The following ZGRF1 variants were observed in gnomAD, a reference collection of about 807,000 sequenced individuals.
The protein encoded by ZGRF1 is zinc finger GRF-type containing 1.
Under a neutral mutation model 203.5 loss-of-function variants are expected in ZGRF1, and 196 were observed. The ratio of observed to expected loss-of-function variants is 0.96; its 90% confidence interval spans 0.86 to 1.08. The LOEUF is 1.08. ZGRF1 is among the 50% of genes least tolerant of loss of function. ZGRF1 has a pLI of 0.00. For synonymous variants in ZGRF1, 809 were observed against 841.3 expected (o/e 0.96, Z 0.66); for missense variants, 2,326 against 2,416.3 (o/e 0.96, Z 0.78).
rs768160092 is a variant in ZGRF1 at position 112,618,629 on chromosome 4, C to G, written c.1413G>C (p.Glu471Asp). ...GCAGAGATGACTCTGATTGTTCATA[C>G]TCCTTTTCCAGTGTTCCACATGTAT... ...EVNTCGTLEK[E>D]YEQSESSLPE... Residue 471 changes from glutamate to aspartate, a missense_variant, in exon 6 of 28, where the codon GAG (glutamate) becomes GAC (aspartate). Physicochemically the swap from Glu to Asp is conservative, Grantham distance 45. Coordinates refer to ENST00000505019, the MANE Select transcript of ZGRF1 (RefSeq NM_018392.5). The G allele has an allele frequency of 4.3e-6, 7 of 1,613,298 alleles. No individual in the cohort carries two copies. The highest frequency in any genetic ancestry group is 5.9e-6 in the Non-Finnish European group (7 of 1,179,604).
At chr4:112,606,235 C>T (rs192138459) in intron 8 of ZGRF1, 144 bp from the exon 9 acceptor site, 105 of 594,808 alleles carry the variant, frequency 1.8e-4, no homozygotes, top group Non-Finnish European at 2.8e-4. Flanking sequence ...TGTCTACACA[C>T]ACATACAAGC....
At chr4:112,558,905 T>C (rs1741438604) in intron 19 of ZGRF1, among the ~76,000 whole-genome samples, 2 of 152,204 alleles carry the variant, frequency 1.3e-5, no homozygotes, top group South Asian at 4.1e-4. Flanking sequence ...TCTATCTCTG[T>C]TTTGATGGAG....
intron 20 of ZGRF1, among the ~76,000 whole-genome samples, chr4:112,555,641 G>A (rs976833975): frequency 4.0e-4 from 61 of 152,208 alleles, no homozygotes; most frequent in African/African-American, 1.2e-3. Flanking sequence ...AATAAGGGAC[G>A]CAGTCTCCTC....
chr4:112,568,686 G>A (rs1032197886), intron 16 of ZGRF1, among the ~76,000 whole-genome samples: 14 of 141,146 alleles, frequency 9.9e-5, no homozygotes, highest in Non-Finnish European at 1.4e-4. Context: ...ATTCCAGCCC[G>A]GGTGACGAGA....
rs1739032666 is a variant in ZGRF1 at position 112,547,417 on chromosome 4, G to C, written c.5475-9C>G. Reference sequence around the variant, plus strand: ...GCTTTTCACACTCAAACCTAAAACAGAATTTCAAAAATTAATCTAAGCAAT... The same window carrying C: ...GCTTTTCACACTCAAACCTAAAACACAATTTCAAAAATTAATCTAAGCAAT... On this transcript the variant is annotated splice_polypyrimidine_tract_variant and intron_variant, in intron 23 of 27. Transcript: ENST00000505019. The C allele has an allele frequency of 9.4e-6, 15 of 1,596,188 alleles. No homozygotes were observed. The highest frequency in any genetic ancestry group is 1.3e-5 in the Non-Finnish European group (15 of 1,174,376).
chr4:112,586,457 A>G lies in ZGRF1; in HGVS notation c.3904T>C (p.Ser1302Pro), dbSNP rs1363950832. Residue 1302 changes from serine (S) to proline (P), a missense_variant, in exon 13 of 28, where the codon TCT becomes CCT. Transcript: ENST00000505019. ...ACAACAGCCATACCTATGAGGCAAGATGTGAAAGTCTGCTTATAATGAGCA... is the reference window on the plus strand; with the variant it reads ...ACAACAGCCATACCTATGAGGCAAGGTGTGAAAGTCTGCTTATAATGAGCA... ...SPAHYKQTFT[S>P]CLIEHLNILL... is the part of the protein sequence containing the mutation. 6.2e-7 allele frequency: 1 copy of G among 1,609,948 alleles called. No homozygotes were observed. Among genetic ancestry groups the G allele is most frequent in the African/African-American group, 1.3e-5 (1 of 74,954 alleles).
rs183602786 is a variant in ZGRF1 at position 112,636,852 on chromosome 4, T to C, written c.-68A>G. ...ATCCCGAGAAACACTTCACCTCACC[T>C]GTCAAATTGCACAAAATCCACTTTC... On this transcript the variant is annotated splice_region_variant and 5_prime_UTR_variant, in exon 1 of 28. Transcript: ENST00000505019. 1.3e-5 allele frequency: 2 copies of C among 152,300 alleles called. No homozygotes were observed. The highest frequency in any genetic ancestry group is 6.5e-5 in the Admixed American group (1 of 15,288). 9.4% of individuals were successfully genotyped at this position (152,300 alleles called of 1,614,324 possible). A position where few individuals can be genotyped will look rare whatever the true frequency, so the allele number is the denominator to read the frequency against.
intron 22 of ZGRF1, among the ~76,000 whole-genome samples, chr4:112,549,113 C>CAAAAAAAAAAAAAAAAAA (rs771730607): frequency 1.8e-4 from 3 of 16,812 alleles, no homozygotes; most frequent in African/African-American, 7.5e-4. Context: ...GACTCCGTCT[C>CAAAAAAAAAAAAAAAAAA]AAAAAAAAAA....
intron 4 of ZGRF1, among the ~76,000 whole-genome samples, chr4:112,622,999 A>C (rs2047113102): frequency 6.6e-6 from 1 of 151,966 alleles, no homozygotes; most frequent in African/African-American, 2.4e-5. Context: ...AGTAGGCTTC[A>C]ATGTCTGTTG....
chr4:112,575,039 A>C (rs890870206), intron 16 of ZGRF1, among the ~76,000 whole-genome samples: 1 of 151,720 alleles, frequency 6.6e-6, no homozygotes, highest in African/African-American at 2.4e-5. Flanking sequence ...AAAAAAAAAA[A>C]CAAGCAAACA....
At chr4:112,633,296 T>TTTG in intron 1 of ZGRF1, 54 bp from the exon 2 acceptor site, 2 of 824,858 alleles carry the variant, frequency 2.4e-6, no homozygotes, top group Non-Finnish European at 3.9e-6. Flanking sequence ...AAATATCAAA[T>TTTG]ATAATTTTTC....
chr4:112,605,105 C>T (rs1375407457), intron 9 of ZGRF1, among the ~76,000 whole-genome samples: 2 of 151,826 alleles, frequency 1.3e-5, no homozygotes, highest in African/African-American at 4.8e-5. Context: ...ATTTCTGCTT[C>T]TGCTTTGTCT....
At chr4:112,597,803 A>G (rs1454457192) in intron 10 of ZGRF1, among the ~76,000 whole-genome samples, 2 of 151,230 alleles carry the variant, frequency 1.3e-5, no homozygotes, top group Non-Finnish European at 2.9e-5. Context: ...AGAATCGCTT[A>G]AGCCTGGGAG....
At chr4:112,620,281 G>T in intron 4 of ZGRF1, 91 bp from the exon 5 acceptor site, 1 of 863,856 alleles carries the variant, frequency 1.2e-6, no homozygotes. Flanking sequence ...CACAATGGGT[G>T]TTCAATAAAT....
chr4:112,581,985 C>G (rs1298999972), intron 15 of ZGRF1, among the ~76,000 whole-genome samples, 183 bp from the exon 16 acceptor site: 1 of 152,100 alleles, frequency 6.6e-6, no homozygotes, highest in Non-Finnish European at 1.5e-5. Flanking sequence ...GAACTGTCAT[C>G]AGTTTTAGAA....
At chr4:112,561,829 T>C (rs1354079965) in intron 18 of ZGRF1, among the ~76,000 whole-genome samples, 1 of 151,790 alleles carries the variant, frequency 6.6e-6, no homozygotes, top group Non-Finnish European at 1.5e-5. Context: ...AAATTATCTC[T>C]TGATGAAGTG....
chr4:112,631,853 T>C, intron 3 of ZGRF1, 77 bp downstream of exon 3: 1 of 641,322 alleles, frequency 1.6e-6, no homozygotes, highest in Non-Finnish European at 2.6e-6. Context: ...CATTTTATCA[T>C]GTACAGTTTT....
At chr4:112,627,549 T>C (rs2047278735) in intron 3 of ZGRF1, among the ~76,000 whole-genome samples, 1 of 152,154 alleles carries the variant, frequency 6.6e-6, no homozygotes, top group Admixed American at 6.6e-5. Flanking sequence ...GAGACCAACC[T>C]GGCCAACATG....
At chr4:112,636,430 A>G (rs76679317) in intron 1 of ZGRF1, among the ~76,000 whole-genome samples, 1,880 of 152,258 alleles carry the variant, frequency 0.012, 13 homozygotes, top group Middle Eastern at 0.044. Context: ...TTTGAACCTA[A>G]ACCTGAACCT....
Sources: gnomAD v4.1 joint callset for allele counts (sites outside exome capture counted in the v4.1 genomes callset) on GRCh38, gnomAD v4.1.1 for gene constraint, MANE v1.5 for transcripts, NCBI Gene and HGNC (gene_info 2026-07-23, HGNC 2026-07-21) for gene names.